The following TIGIT variants were observed in gnomAD, a reference collection of about 807,000 sequenced individuals.
The protein encoded by TIGIT is T cell immunoreceptor with Ig and ITIM domains, also known as T-cell immunoreceptor with Ig and ITIM domains.
TIGIT carries 11 observed loss-of-function variants against 19.6 expected under a neutral mutation model. The observed-to-expected ratio is 0.56, with a 90% confidence interval of 0.35 to 0.93. TIGIT has a LOEUF of 0.93. Ranked by LOEUF, TIGIT falls within the 40% of genes least tolerant of loss-of-function variation. TIGIT has a pLI of 0.01. For synonymous variants in TIGIT, 130 were observed against 125.5 expected, an observed-to-expected ratio of 1.04 and a Z score of -0.24; for missense variants, 295 against 303.9, an observed-to-expected ratio of 0.97 and a Z score of 0.22.
In TIGIT at chr3:114,295,888, A is replaced by C. The variant is rs544653123; in HGVS notation, c.391+14A>C. 2.7e-5 allele frequency: 43 copies of C among 1,580,830 alleles called. 1 individual carries two copies. The South Asian group carries it at 3.7e-4, about 14-fold the overall frequency. On this transcript the variant is annotated intron_variant, in intron 2 of 3. Coordinates refer to ENST00000383671, the MANE Select transcript of TIGIT (RefSeq NM_173799.4). ...TAGAAAGCTCAGGTATTCCTGCTGG[A>C]GCAAGTTGGTGGATAAACCTCTCCC... is the stretch of plus-strand genomic sequence containing the variant.
intron 3 of TIGIT, among the ~76,000 whole-genome samples, chr3:114,305,292 G>C (rs1576143021): frequency 1.3e-5 from 2 of 152,184 alleles, no homozygotes; most frequent in East Asian, 3.8e-4. Flanking sequence ...TTGCCATCTA[G>C]CAGGTGAATG....
intron 3 of TIGIT, among the ~76,000 whole-genome samples, chr3:114,302,403 G>A (rs1310114233): frequency 1.3e-5 from 2 of 152,176 alleles, no homozygotes; most frequent in African/African-American, 4.8e-5. Flanking sequence ...CACAGGGTTG[G>A]CTGGCTTCAG....
Position 114,294,621 on chromosome 3 carries a change from G to C in TIGIT, c.61+499G>C, listed in dbSNP as rs577558866. On this transcript the variant is annotated intron_variant, in intron 1 of 3. Transcript: ENST00000383671. ...ATCAGAGTCAAATATTTCTGAGGGA[G>C]GGGAACACAAATATTTAAAAACTGT... 1.1e-4 allele frequency among the ~76,000 whole-genome samples: 16 copies of C among 152,254 alleles called. 1 individual carries two copies. The South Asian group carries it at 3.3e-3, about 32-fold the overall frequency.
chr3:114,296,987 T>G (rs1362968654), intron 2 of TIGIT, among the ~76,000 whole-genome samples: 2 of 150,446 alleles, frequency 1.3e-5, no homozygotes, highest in South Asian at 2.1e-4. Context: ...TTCCGCCTCC[T>G]GAGTTCAAGC....
At chr3:114,300,891 T>G (rs998519650) in intron 3 of TIGIT, among the ~76,000 whole-genome samples, 1 of 152,304 alleles carries the variant, frequency 6.6e-6, no homozygotes, top group Admixed American at 6.5e-5. Flanking sequence ...TTAAAAGCAT[T>G]ACCACTTAAT....
At chr3:114,298,149 G>A (rs2078467167) in intron 2 of TIGIT, among the ~76,000 whole-genome samples, 1 of 152,172 alleles carries the variant, frequency 6.6e-6, no homozygotes. Context: ...TACAGAGTCT[G>A]CCCCTTCCCC....
chr3:114,303,850 C>T (rs1005629792), intron 3 of TIGIT, among the ~76,000 whole-genome samples: 5 of 151,976 alleles, frequency 3.3e-5, no homozygotes, highest in Non-Finnish European at 5.9e-5. Context: ...CACTGTTTTC[C>T]ATAGTCATAC....
At chr3:114,304,360 C>T (rs576823674) in intron 3 of TIGIT, among the ~76,000 whole-genome samples, 1 of 152,268 alleles carries the variant, frequency 6.6e-6, no homozygotes, top group South Asian at 2.1e-4. Flanking sequence ...CTCAGTTTGC[C>T]ATTTCTGATT....
chr3:114,303,505 GTA>G (rs1272943081), intron 3 of TIGIT, among the ~76,000 whole-genome samples: 5 of 117,290 alleles, frequency 4.3e-5, no homozygotes, highest in Non-Finnish European at 7.5e-5. Flanking sequence ...ATATATATAT[GTA>G]TATATATATA....
intron 2 of TIGIT, among the ~76,000 whole-genome samples, chr3:114,297,111 G>C (rs143023357): frequency 3.0e-4 from 45 of 151,998 alleles, no homozygotes; most frequent in African/African-American, 1.0e-3. Context: ...GGTCAGGCTG[G>C]TCTCAAACTC....
At chr3:114,301,616 G>A (rs1202276149) in intron 3 of TIGIT, among the ~76,000 whole-genome samples, 7 of 152,222 alleles carry the variant, frequency 4.6e-5, no homozygotes, top group Non-Finnish European at 8.8e-5. Context: ...AACTTTTCCT[G>A]TTAAGGATTC....
chr3:114,302,904 C>T (rs1202610695), intron 3 of TIGIT, among the ~76,000 whole-genome samples: 1 of 152,138 alleles, frequency 6.6e-6, no homozygotes, highest in Non-Finnish European at 1.5e-5. Context: ...CAAAATTTCT[C>T]TGTAAAGAGG....
Position 114,308,218 on chromosome 3 carries a change from C to CGT in TIGIT, c.*104_*105dup, listed in dbSNP as rs35641088. On this transcript the variant is annotated 3_prime_UTR_variant, in exon 4 of 4. Transcript: ENST00000383671. ...GCAGCTGTACTCTCCATCAGTGCTGCGTGTGTGTGTGTGTGTGTATGTGTG... is the reference window on the plus strand; with the variant it reads ...GCAGCTGTACTCTCCATCAGTGCTGCGTGTGTGTGTGTGTGTGTGTATGTGTG... 0.016 allele frequency: 13,138 copies of CGT among 799,004 alleles called. 8 individuals carry two copies. Among genetic ancestry groups the CGT allele is most frequent in the South Asian group, 0.043 (2,519 of 59,226 alleles). 49.5% of individuals were successfully genotyped at this position (799,004 alleles called of 1,614,324 possible). A position where few individuals can be genotyped will look rare whatever the true frequency, so the allele number is the denominator to read the frequency against.
At chr3:114,304,832 A>G (rs1458034454) in intron 3 of TIGIT, among the ~76,000 whole-genome samples, 4 of 152,178 alleles carry the variant, frequency 2.6e-5, no homozygotes, top group Non-Finnish European at 5.9e-5. Context: ...TGGCTCTCAA[A>G]TGCATCTTTC....
At chr3:114,303,330 T>C (rs1304986128) in intron 3 of TIGIT, among the ~76,000 whole-genome samples, 1 of 151,896 alleles carries the variant, frequency 6.6e-6, no homozygotes, top group African/African-American at 2.4e-5. Context: ...TTAACGCCTT[T>C]GCGTCCTCAT....
At chr3:114,302,789 C>A (rs2078500684) in intron 3 of TIGIT, among the ~76,000 whole-genome samples, 2 of 152,066 alleles carry the variant, frequency 1.3e-5, no homozygotes, top group African/African-American at 4.8e-5. Context: ...TTCCTTTTTC[C>A]CCTTTATTGT....
chr3:114,295,494 G>T, intron 1 of TIGIT, 51 bp from the exon 2 acceptor site: 1 of 1,502,652 alleles, frequency 6.7e-7, no homozygotes. Flanking sequence ...TAGGAAGGTT[G>T]AAGGCCAGCT....
intron 2 of TIGIT, 127 bp downstream of exon 2, chr3:114,296,001 A>C (rs1478039248): frequency 5.3e-6 from 4 of 756,766 alleles, no homozygotes; most frequent in Non-Finnish European, 8.4e-6. Flanking sequence ...GAGATTTTAA[A>C]TCATACTGAT....
chr3:114,305,864 G>GGATAGATAGATAGATA (rs747740694), intron 3 of TIGIT, among the ~76,000 whole-genome samples: 162 of 145,150 alleles, frequency 1.1e-3, no homozygotes, highest in South Asian at 2.8e-3. Context: ...ATGGATGGAT[G>GGATAGATAGATAGATA]GATAGATAGA....
Sources: gnomAD v4.1 joint callset for allele counts (sites outside exome capture counted in the v4.1 genomes callset) on GRCh38, gnomAD v4.1.1 for gene constraint, MANE v1.5 for transcripts, NCBI Gene and HGNC (gene_info 2026-07-23, HGNC 2026-07-21) for gene names.